The following NR1H4 variants were observed in gnomAD, a reference collection of about 807,000 sequenced individuals.
NR1H4 encodes the protein bile acid receptor.
A neutral mutation model predicts 58.5 loss-of-function variants in NR1H4; 23 were observed. The ratio of observed to expected loss-of-function variants is 0.39; its 90% CI spans 0.28 to 0.56. NR1H4 has a LOEUF of 0.56. NR1H4 is among the 20% of genes least tolerant of loss of function. NR1H4 has a pLI of 0.58. For synonymous variants in NR1H4, 214 were observed against 198.0 expected, an observed-to-expected ratio of 1.08 and a Z score of -0.68; for missense variants, 487 against 576.9, an observed-to-expected ratio of 0.84 and a Z score of 1.60.
At chr12:100,523,840 T>C (rs934317628) in intron 4 of NR1H4, among the ~76,000 whole-genome samples, 5 of 152,196 alleles carry the variant, frequency 3.3e-5, no homozygotes, top group African/African-American at 1.2e-4. Context: ...GGAGATGCCT[T>C]GGTGAGCAAA....
chr12:100,512,274 T>C lies in NR1H4; in HGVS notation c.445+1131T>C, dbSNP rs1213717053. On this transcript the variant is annotated intron_variant, in intron 4 of 10. Coordinates refer to ENST00000392986, the MANE Select transcript of NR1H4 (RefSeq NM_001206979.2). ...ATTTAGCAGTAATACAGTTCTGTTA[T>C]GGATGCTATAGAGAAATCATAACAA... Among the ~76,000 whole-genome samples, 4 of 152,058 alleles carry C rather than the reference T, an allele frequency of 2.6e-5. No homozygotes were observed. The South Asian group carries it at 8.3e-4, about 32-fold the overall frequency.
chr12:100,486,815 A>C (rs188835971), intron 1 of NR1H4, among the ~76,000 whole-genome samples: 6 of 152,316 alleles, frequency 3.9e-5, no homozygotes, highest in African/African-American at 1.4e-4. Flanking sequence ...TTCTGAAAAA[A>C]AAAAATCCAC....
chr12:100,504,928 C>G (rs1176564753), intron 3 of NR1H4, among the ~76,000 whole-genome samples: 1 of 152,102 alleles, frequency 6.6e-6, no homozygotes, highest in Non-Finnish European at 1.5e-5. Context: ...TGAATTCCAC[C>G]TGGGGGAACT....
intron 4 of NR1H4, among the ~76,000 whole-genome samples, chr12:100,526,142 T>C (rs1443818253): frequency 1.3e-5 from 2 of 151,980 alleles, no homozygotes; most frequent in Admixed American, 6.6e-5. Flanking sequence ...CTGGTTTTTC[T>C]CTATCATTTT....
chr12:100,526,524 C>T (rs1322324722), intron 4 of NR1H4, among the ~76,000 whole-genome samples: 1 of 152,132 alleles, frequency 6.6e-6, no homozygotes, highest in African/African-American at 2.4e-5. Context: ...CACAACTCTC[C>T]CGGCTGATGT....
chr12:100,554,969 T>G (rs569131964), intron 9 of NR1H4, among the ~76,000 whole-genome samples: 8 of 152,212 alleles, frequency 5.3e-5, no homozygotes, highest in Non-Finnish European at 1.2e-4. Flanking sequence ...CTCCCATTAT[T>G]TCTTTTTTAC....
rs546070772 is a variant in NR1H4, at chr12:100,499,872, A to G, written c.79+6470A>G. 1.0e-4 allele frequency: 46 copies of G among 455,896 alleles called. 1 individual carries two copies. Among genetic ancestry groups the G allele is most frequent in the Admixed American group, 5.9e-4 (25 of 42,544 alleles). 28.2% of individuals were successfully genotyped at this position (455,896 alleles called of 1,614,324 possible). On this transcript the variant is annotated intron_variant, in intron 3 of 10. Coordinates refer to ENST00000392986, the MANE Select transcript of NR1H4 (RefSeq NM_001206979.2). ...TAACAGATTTCCTGGGTTGGTTCCA[A>G]TCTCTGCCATCTACTACCCTGTGGT...
At chr12:100,522,831 T>C (rs1954461183) in intron 4 of NR1H4, among the ~76,000 whole-genome samples, 1 of 152,186 alleles carries the variant, frequency 6.6e-6, no homozygotes, top group Admixed American at 6.5e-5. Context: ...CCTGAGTTAC[T>C]TCACTTAGAA....
intron 4 of NR1H4, among the ~76,000 whole-genome samples, chr12:100,516,452 C>T (rs1381477269): frequency 1.3e-5 from 2 of 151,906 alleles, no homozygotes; most frequent in South Asian, 2.1e-4. Context: ...TCACAAACTC[C>T]GCCTCCCGGG....
intron 3 of NR1H4, among the ~76,000 whole-genome samples, chr12:100,501,705 T>C (rs1338271027): frequency 1.3e-5 from 2 of 152,226 alleles, no homozygotes; most frequent in African/African-American, 4.8e-5. Flanking sequence ...ATTCCACTTG[T>C]ATAGCTCACC....
intron 4 of NR1H4, among the ~76,000 whole-genome samples, chr12:100,526,119 G>C (rs1200163647): frequency 2.0e-5 from 3 of 149,672 alleles, no homozygotes; most frequent in Non-Finnish European, 4.4e-5. Flanking sequence ...TAAAGAACCA[G>C]CTTTTGGTTT....
chr12:100,510,303 C>A (rs994399455), intron 3 of NR1H4, among the ~76,000 whole-genome samples: 33 of 152,050 alleles, frequency 2.2e-4, no homozygotes, highest in Non-Finnish European at 3.5e-4. Flanking sequence ...AATTTCCCCC[C>A]AAAAATATTT....
At chr12:100,518,739 A>T (rs1251111898) in intron 4 of NR1H4, among the ~76,000 whole-genome samples, 1 of 151,986 alleles carries the variant, frequency 6.6e-6, no homozygotes, top group Non-Finnish European at 1.5e-5. Context: ...AGGAAAAAAA[A>T]TGACAGTGGG....
At chr12:100,550,271 T>A (rs935390272) in intron 9 of NR1H4, among the ~76,000 whole-genome samples, 1 of 152,182 alleles carries the variant, frequency 6.6e-6, no homozygotes, top group African/African-American at 2.4e-5. Context: ...GGGGTTTAAG[T>A]TGGAATTGTT....
At chr12:100,489,586 A>G (rs1953564497) in intron 1 of NR1H4, among the ~76,000 whole-genome samples, 1 of 152,224 alleles carries the variant, frequency 6.6e-6, no homozygotes, top group South Asian at 2.1e-4. Context: ...CTCACAGGCT[A>G]CACAAAAACA....
chr12:100,498,395 T>C (rs1366924393), intron 3 of NR1H4, among the ~76,000 whole-genome samples: 1 of 152,080 alleles, frequency 6.6e-6, no homozygotes. Flanking sequence ...TCCCAGCACA[T>C]TGGAAGGCCA....
rs183210355 is a variant in NR1H4 at position 100,519,293 on chromosome 12, G to A, written c.445+8150G>A. On this transcript the variant is annotated intron_variant, in intron 4 of 10. Coordinates refer to ENST00000392986, the MANE Select transcript of NR1H4 (RefSeq NM_001206979.2). ...TCACCCCCGCCAAAATTCTTCTGGC[G>A]GTTTATCTAAGTACCAGGATTAAGG... is the stretch of plus-strand genomic sequence containing the variant. Among the ~76,000 whole-genome samples, 5 of 152,032 alleles carry A rather than the reference G, an allele frequency of 3.3e-5. No homozygotes were observed. In the East Asian group the frequency reaches 7.8e-4, roughly 24 times the overall value.
At chr12:100,500,044 C>T (rs1480062889) in intron 3 of NR1H4, 2 of 434,778 alleles carry the variant, frequency 4.6e-6, no homozygotes, top group Non-Finnish European at 9.3e-6. Context: ...ATTACTGTTC[C>T]CCTTTTATGG....
chr12:100,489,480 T>C (rs551749529), intron 1 of NR1H4, among the ~76,000 whole-genome samples: 1 of 152,368 alleles, frequency 6.6e-6, no homozygotes, highest in East Asian at 1.9e-4. Context: ...AAACTATTTA[T>C]AGGCACTGAA....
Sources: gnomAD v4.1 joint callset for allele counts (sites outside exome capture counted in the v4.1 genomes callset) on GRCh38, gnomAD v4.1.1 for gene constraint, MANE v1.5 for transcripts, NCBI Gene and HGNC (gene_info 2026-07-23, HGNC 2026-07-21) for gene names.